The following SH3BGRL2 variants were observed in gnomAD, a reference collection of about 807,000 sequenced individuals.
SH3BGRL2 encodes the protein SH3 domain-binding glutamic acid-rich-like protein 2.
SH3BGRL2 carries 21 observed loss-of-function variants against 14.8 expected under a neutral mutation model. The observed-to-expected ratio is 1.42, with a 90% CI of 1.01 to 2.05. SH3BGRL2 has a LOEUF of 2.05. Ranked by LOEUF, SH3BGRL2 falls within the 30% of genes most tolerant of loss-of-function variation. The pLI is 0.00. For missense variants in SH3BGRL2, 147 were observed against 130.8 expected (o/e 1.12, Z -0.61); for synonymous variants, 50 against 47.8 (o/e 1.05, Z -0.19).
At chr6:79,660,598 C>A (rs552620718) in intron 1 of SH3BGRL2, among the ~76,000 whole-genome samples, 1 of 152,154 alleles carries the variant, frequency 6.6e-6, no homozygotes, top group East Asian at 1.9e-4. Flanking sequence ...GTCTAAAATT[C>A]TCTTTTTTGG....
the SH3BGRL2 span, among the ~76,000 whole-genome samples, chr6:79,613,626 T>C: frequency 6.6e-6 from 1 of 152,162 alleles, no homozygotes; most frequent in East Asian, 1.9e-4. Context: ...TTTTCTTTTT[T>C]TTGAGACAGA....
At chr6:79,618,341 C>T in the SH3BGRL2 span, among the ~76,000 whole-genome samples, 1 of 152,152 alleles carries the variant, frequency 6.6e-6, no homozygotes, top group African/African-American at 2.4e-5. Flanking sequence ...TTCAAATTGA[C>T]CCAAATTTGG....
intron 2 of SH3BGRL2, among the ~76,000 whole-genome samples, chr6:79,685,634 G>T (rs1031368506): frequency 6.6e-6 from 1 of 151,852 alleles, no homozygotes; most frequent in Non-Finnish European, 1.5e-5. Flanking sequence ...TAAAGTATAT[G>T]TCATACTCTC....
the SH3BGRL2 span, among the ~76,000 whole-genome samples, chr6:79,577,234 G>A: frequency 1.3e-5 from 2 of 152,138 alleles, no homozygotes; most frequent in Admixed American, 6.5e-5. Flanking sequence ...TGATCTATAC[G>A]TTTAGCCTTA....
the SH3BGRL2 span, among the ~76,000 whole-genome samples, chr6:79,559,854 A>G: frequency 6.6e-6 from 1 of 152,256 alleles, no homozygotes; most frequent in Non-Finnish European, 1.5e-5. Flanking sequence ...ACACAAATGT[A>G]AAGCAAATGG....
chr6:79,639,163 G>T (rs530224207), intron 1 of SH3BGRL2, among the ~76,000 whole-genome samples: 18 of 152,094 alleles, frequency 1.2e-4, no homozygotes, highest in Non-Finnish European at 2.6e-4. Flanking sequence ...GTTCTTAAAT[G>T]AATTGTGTTT....
intron 2 of SH3BGRL2, among the ~76,000 whole-genome samples, chr6:79,682,454 A>G (rs539779753): frequency 6.5e-4 from 99 of 152,352 alleles, no homozygotes; most frequent in African/African-American, 2.3e-3. Context: ...TTACATAAAC[A>G]CTGCACTTGA....
At chr6:79,658,285 C>T (rs772717294) in intron 1 of SH3BGRL2, among the ~76,000 whole-genome samples, 1 of 152,296 alleles carries the variant, frequency 6.6e-6, no homozygotes, top group South Asian at 2.1e-4. Context: ...AATGCTATCC[C>T]TCACCCAGGC....
the SH3BGRL2 span, among the ~76,000 whole-genome samples, chr6:79,563,664 T>C: frequency 6.6e-6 from 1 of 152,012 alleles, no homozygotes; most frequent in African/African-American, 2.4e-5. Context: ...CCACCAAATA[T>C]GTGAGTGAGG....
chr6:79,578,583 A>G, the SH3BGRL2 span, among the ~76,000 whole-genome samples: 2 of 152,226 alleles, frequency 1.3e-5, no homozygotes, highest in South Asian at 4.1e-4. Flanking sequence ...AAAACTAACA[A>G]ACAGAAAAGA....
At chr6:79,590,424 GATATATATATATATATATATATATATAT>G in the SH3BGRL2 span, among the ~76,000 whole-genome samples, 7 of 66,666 alleles carry the variant, frequency 1.1e-4, no homozygotes, top group African/African-American at 1.4e-4. Context: ...AAGAAAATGT[GATATATATATATATATATATATATATAT>G]ATATATATAT....
chr6:79,545,702 G>C, the SH3BGRL2 span, among the ~76,000 whole-genome samples: 1 of 152,150 alleles, frequency 6.6e-6, no homozygotes, highest in Non-Finnish European at 1.5e-5. Flanking sequence ...GTAAAACATT[G>C]ACAAAGTTGT....
the SH3BGRL2 span, among the ~76,000 whole-genome samples, chr6:79,571,921 T>C: frequency 6.6e-6 from 1 of 152,172 alleles, no homozygotes. Context: ...TAAACTCTTT[T>C]TTTGGAATAA....
Position 79,664,301 on chromosome 6 carries a change from C to T in SH3BGRL2, c.46-9313C>T, listed in dbSNP as rs528226618. Among the ~76,000 whole-genome samples the T allele has an allele frequency of 8.7e-4, 133 of 152,338 alleles. 2 individuals carry two copies. The highest frequency in any genetic ancestry group is 5.0e-3 in the South Asian group (24 of 4,824). ...CTGTTCCTATTCACCCACCTTGGAA[C>T]GGACTTGTGATTGGATTTAATGTTT... On this transcript the variant is annotated intron_variant, in intron 1 of 3. Transcript: ENST00000369838.
chr6:79,562,006 A>G, the SH3BGRL2 span, among the ~76,000 whole-genome samples: 2 of 152,204 alleles, frequency 1.3e-5, no homozygotes, highest in African/African-American at 4.8e-5. Context: ...AGGAGAAGCT[A>G]GCCCACAGCT....
chr6:79,667,344 T>C (rs1051673257), intron 1 of SH3BGRL2, among the ~76,000 whole-genome samples: 20 of 152,138 alleles, frequency 1.3e-4, no homozygotes, highest in Non-Finnish European at 2.8e-4. Context: ...GGTCCAAGAG[T>C]AGGTTACAAT....
At chr6:79,679,385 A>AT (rs756434186) in intron 2 of SH3BGRL2, among the ~76,000 whole-genome samples, 3,569 of 132,172 alleles carry the variant, frequency 0.027, 92 homozygotes, top group African/African-American at 0.072. Flanking sequence ...TTTTTTTTTC[A>AT]TTTTTTTTTT....
chr6:79,614,963 T>A, the SH3BGRL2 span, among the ~76,000 whole-genome samples: 1 of 152,186 alleles, frequency 6.6e-6, no homozygotes, highest in African/African-American at 2.4e-5. Context: ...CCTAGAAGTT[T>A]ACTCCCTTAG....
chr6:79,559,434 A>T, the SH3BGRL2 span, among the ~76,000 whole-genome samples: 1 of 152,216 alleles, frequency 6.6e-6, no homozygotes, highest in South Asian at 2.1e-4. Context: ...GATAACCCAA[A>T]TCTAATAATG....
Sources: gnomAD v4.1 joint callset for allele counts (sites outside exome capture counted in the v4.1 genomes callset) on GRCh38, gnomAD v4.1.1 for gene constraint, MANE v1.5 for transcripts, NCBI Gene and HGNC (gene_info 2026-07-23, HGNC 2026-07-21) for gene names.